The following RPGRIP1 variants were observed in gnomAD, a reference collection of about 807,000 sequenced individuals.
RPGRIP1 encodes RPGR interacting protein 1, also known as X-linked retinitis pigmentosa GTPase regulator-interacting protein 1.
Under a neutral mutation model 157.9 loss-of-function variants are expected in RPGRIP1, and 128 were observed. The ratio of observed to expected loss-of-function variants is 0.81; its 90% CI spans 0.70 to 0.94. The LOEUF is 0.94. Ranked by LOEUF, RPGRIP1 falls within the 40% of genes least tolerant of loss-of-function variation. RPGRIP1 has a pLI of 0.00. For missense variants in RPGRIP1, 1,486 were observed against 1,545.8 expected (o/e 0.96, Z 0.65); for synonymous variants, 554 against 571.6 (o/e 0.97, Z 0.44).
rs547877877 is a variant in RPGRIP1, at chr14:21,330,973, G to A, written c.3238+586G>A. ...CTCCCAGGCTGGAGTGCAATGGCAG[G>A]ATCTCAGCTCACTGCAAGCTCTGCC... On this transcript the variant is annotated intron_variant, in intron 20 of 24. Transcript: ENST00000400017. Among the ~76,000 whole-genome samples, 348 of 151,856 alleles carry A rather than the reference G, an allele frequency of 2.3e-3. 1 individual carries two copies. Among genetic ancestry groups the A allele is most frequent in the African/African-American group, 7.9e-3 (328 of 41,462 alleles).
chr14:21,314,987 G>A (rs1374777293), intron 10 of RPGRIP1, among the ~76,000 whole-genome samples: 2 of 150,768 alleles, frequency 1.3e-5, no homozygotes, highest in African/African-American at 4.9e-5. Flanking sequence ...TTGCACCACT[G>A]CACTCCAGCC....
intron 23 of RPGRIP1, among the ~76,000 whole-genome samples, chr14:21,346,888 T>C (rs1885625903): frequency 1.3e-5 from 2 of 152,222 alleles, no homozygotes; most frequent in Non-Finnish European, 2.9e-5. Context: ...CATCTGCTTT[T>C]ACTTTGTCTT....
chr14:21,322,977 A>G (rs552549123), intron 14 of RPGRIP1, among the ~76,000 whole-genome samples: 10 of 152,262 alleles, frequency 6.6e-5, no homozygotes, highest in African/African-American at 2.4e-4. Context: ...AACCAAATTA[A>G]CCAGAAGCTG....
intron 2 of RPGRIP1, among the ~76,000 whole-genome samples, chr14:21,288,918 G>A (rs1192028909): frequency 3.3e-5 from 5 of 152,130 alleles, no homozygotes; most frequent in South Asian, 2.1e-4. Flanking sequence ...CAACTAGTGG[G>A]TTTCACTCAT....
intron 10 of RPGRIP1, among the ~76,000 whole-genome samples, chr14:21,313,011 T>A (rs1458192531): frequency 6.6e-6 from 1 of 151,890 alleles, no homozygotes; most frequent in African/African-American, 2.4e-5. Context: ...TTTTTTCTAT[T>A]TTTTTGTAGA....
At chr14:21,309,220 A>G (rs919650930) in intron 7 of RPGRIP1, among the ~76,000 whole-genome samples, 7 of 152,310 alleles carry the variant, frequency 4.6e-5, no homozygotes, top group South Asian at 2.1e-4. Context: ...CAGATCAGAA[A>G]AGGATTAATG....
rs111767214 is a variant in RPGRIP1, at chr14:21,293,476, C to T, written c.86-1201C>T. Among the ~76,000 whole-genome samples the T allele has an allele frequency of 1.3e-3, 193 of 152,272 alleles. 2 individuals carry two copies. The highest frequency in any genetic ancestry group is 4.3e-3 in the African/African-American group (180 of 41,562). The stretch of plus-strand genomic sequence containing the variant: ...TAGAAGAATAGGCTGGGCATGGTGG[C>T]TCATGCCTGTAATCCCAGCACTTTG... On this transcript the variant is annotated intron_variant, in intron 2 of 24. Coordinates refer to ENST00000400017, the MANE Select transcript of RPGRIP1 (RefSeq NM_020366.4).
At chr14:21,337,347 G>A (rs1225128765) in intron 21 of RPGRIP1, among the ~76,000 whole-genome samples, 3 of 151,722 alleles carry the variant, frequency 2.0e-5, no homozygotes, top group Non-Finnish European at 2.9e-5. Flanking sequence ...TACAGTGCCC[G>A]AGACAAATTA....
chr14:21,302,087 A>G (rs1881060752), intron 4 of RPGRIP1, among the ~76,000 whole-genome samples: 1 of 152,140 alleles, frequency 6.6e-6, no homozygotes, highest in Admixed American at 6.6e-5. Context: ...CATACTCCAG[A>G]CAACCAAACG....
chr14:21,315,702 A>G (rs1881756971), intron 10 of RPGRIP1, among the ~76,000 whole-genome samples: 1 of 152,060 alleles, frequency 6.6e-6, no homozygotes, highest in South Asian at 2.1e-4. Context: ...TCTCCCCTTC[A>G]TCACTCAAAA....
In RPGRIP1 at chr14:21,294,764, T is replaced by A. The variant is rs1413728875; in HGVS notation, c.173T>A (p.Met58Lys). The change falls in exon 3 of 25, where the codon ATG becomes AAG. Residue 58 changes from methionine to lysine, a missense_variant. Transcript: ENST00000400017. The part of the protein sequence containing the change: ...DSFFRLREDH[M>K]LVKELSWKQQ... ...TTCTTTCGACTTCGCGAAGATCACATGTTGGTGAAGGAGCTTTCTTGGAAG... is the reference window on the plus strand; with the variant it reads ...TTCTTTCGACTTCGCGAAGATCACAAGTTGGTGAAGGAGCTTTCTTGGAAG... 6.2e-7 allele frequency: 1 copy of A among 1,611,996 alleles called. No individual in the cohort carries two copies.
At position 21,328,407 on chromosome 14, in the gene RPGRIP1, C is replaced by T; in HGVS notation, c.2896-17C>T. 3 of 1,590,152 alleles carry T rather than the reference C, an allele frequency of 1.9e-6. No homozygotes were observed. Among genetic ancestry groups the T allele is most frequent in the Non-Finnish European group, 2.6e-6 (3 of 1,165,642 alleles). On this transcript the variant is annotated splice_polypyrimidine_tract_variant and intron_variant, in intron 18 of 24. Coordinates refer to ENST00000400017, the MANE Select transcript of RPGRIP1 (RefSeq NM_020366.4). Reference sequence around the variant, plus strand: ...AAACTACCAGCTTGTAATGCTATCTCTGATCTTTCTATTCAGGATCAGATG... The same window carrying T: ...AAACTACCAGCTTGTAATGCTATCTTTGATCTTTCTATTCAGGATCAGATG...
In RPGRIP1 at chr14:21,320,149, C is replaced by G. The variant is rs1882241075; in HGVS notation, c.1439C>G (p.Ala480Gly). 1.9e-6 allele frequency: 3 copies of G among 1,613,834 alleles called. No homozygotes were observed. Among genetic ancestry groups the G allele is most frequent in the Admixed American group, 1.7e-5 (1 of 59,988 alleles). The change falls in exon 12 of 25, where the codon GCT becomes GGT. Residue 480 changes from alanine (A) to glycine (G), a missense_variant. By Grantham distance (60) the Ala-to-Gly change is moderately conservative. Transcript: ENST00000400017. ...DRQSEPATHP[A>G]VLQENTQIEP... ...CAATCTGAACCAGCCACTCACCCAG[C>G]TGTATTGCAAGAGAACACTCAGATC...
chr14:21,340,919 C>T (rs1486164707), intron 21 of RPGRIP1, among the ~76,000 whole-genome samples: 2 of 150,228 alleles, frequency 1.3e-5, no homozygotes, highest in Non-Finnish European at 3.0e-5. Flanking sequence ...TAATCTGACC[C>T]ATCAAAGTGT....
intron 24 of RPGRIP1, among the ~76,000 whole-genome samples, chr14:21,350,397 G>T (rs1489311167): frequency 1.1e-5 from 1 of 88,216 alleles, no homozygotes; most frequent in South Asian, 3.5e-4. Flanking sequence ...AAAAAAAAAA[G>T]AAAACAGGAA....
chr14:21,300,947 G>A lies in RPGRIP1; in HGVS notation c.219-19G>A. 1 of 1,608,614 alleles carries A rather than the reference G, an allele frequency of 6.2e-7. No individual in the cohort carries two copies. Among genetic ancestry groups the A allele is most frequent in the South Asian group, 1.1e-5 (1 of 90,716 alleles). Reference sequence around the variant, plus strand: ...TAACTGTCATGAAAGGAGAAGCCACGTGCTCTATTTGTCCACAGGCTGAGG... The same window carrying A: ...TAACTGTCATGAAAGGAGAAGCCACATGCTCTATTTGTCCACAGGCTGAGG... On this transcript the variant is annotated intron_variant, in intron 3 of 24. Coordinates refer to ENST00000400017, the MANE Select transcript of RPGRIP1 (RefSeq NM_020366.4).
Position 21,321,293 on chromosome 14 carries a change from T to C in RPGRIP1, c.1502T>C (p.Leu501Pro), listed in dbSNP as rs1222393748. The change falls in exon 13 of 25, where the codon CTG becomes CCG. Residue 501 changes from leucine (L) to proline (P), a missense_variant. Transcript: ENST00000400017. Reference protein sequence around the residue: ...SEPKNQEEKKLSQVLNELQVS... With the variant: ...SEPKNQEEKKPSQVLNELQVS... ...CCCAAAAACCAAGAAGAAAAGAAAC[T>C]GTCCCAGGTGCTAAATGAGTTGCAA... 2 of 1,613,750 alleles carry C rather than the reference T, an allele frequency of 1.2e-6. 1 individual carries two copies. Among genetic ancestry groups the C allele is most frequent in the Non-Finnish European group, 1.7e-6 (2 of 1,179,806 alleles).
chr14:21,289,376 G>A (rs1880430202), intron 2 of RPGRIP1, among the ~76,000 whole-genome samples: 1 of 152,058 alleles, frequency 6.6e-6, no homozygotes, highest in Non-Finnish European at 1.5e-5. Flanking sequence ...GCCAGGCTTG[G>A]TGGCTCACAC....
At chr14:21,301,371 C>A in intron 4 of RPGRIP1, 134 bp downstream of exon 4, 1 of 967,372 alleles carries the variant, frequency 1.0e-6, no homozygotes. Context: ...TCCTTTCTGC[C>A]TCCCTAAAAT....
Sources: allele counts gnomAD v4.1 joint callset (sites outside exome capture counted in the v4.1 genomes callset), GRCh38; gene constraint gnomAD v4.1.1; transcripts MANE v1.5; gene names NCBI Gene and HGNC (gene_info 2026-07-23, HGNC 2026-07-21).